CAMK1D: variants seen among roughly 807,000 people sequenced by gnomAD.
CAMK1D encodes calcium/calmodulin-dependent protein kinase type 1D.
In CAMK1D, 9 loss-of-function variants were observed where a neutral mutation model predicts 47.7. The observed-to-expected ratio is 0.19, with a 90% CI of 0.11 to 0.33. The LOEUF is 0.33. Ranked by LOEUF, CAMK1D falls within the 10% of genes least tolerant of loss-of-function variation. The pLI is 1.00. For missense variants in CAMK1D, 291 were observed against 488.7 expected (o/e 0.60, Z 3.81); for synonymous variants, 184 against 184.9 (o/e 0.99, Z 0.04).
At position 12,643,883 on chromosome 10, in the gene CAMK1D, C is replaced by CAA. The variant is rs757215270; in HGVS notation, c.225-22837_225-22836dup. Among the ~76,000 whole-genome samples the CAA allele has an allele frequency of 4.3e-3, 493 of 114,168 alleles. 1 individual carries two copies. The highest frequency in any genetic ancestry group is 0.034 in the Middle Eastern group (7 of 204). 74.9% of individuals were successfully genotyped at this position (114,168 alleles called of 152,430 possible). ...CGGGCGACAGAGTGAGACTCTGACTCAAAAAAAAAAAAAAAAATCTAATGC... is the reference window on the plus strand; with the variant it reads ...CGGGCGACAGAGTGAGACTCTGACTCAAAAAAAAAAAAAAAAAAATCTAATGC... On this transcript the variant is annotated intron_variant, in intron 2 of 10. Transcript: ENST00000619168.
intron 1 of CAMK1D, among the ~76,000 whole-genome samples, chr10:12,380,351 A>G (rs1838304501): frequency 6.6e-6 from 1 of 152,168 alleles, no homozygotes; most frequent in South Asian, 2.1e-4. Flanking sequence ...TAAATATGAG[A>G]GTAAAGGTTT....
At chr10:12,429,733 T>C (rs1022761576) in intron 1 of CAMK1D, among the ~76,000 whole-genome samples, 3 of 152,076 alleles carry the variant, frequency 2.0e-5, no homozygotes, top group Non-Finnish European at 4.4e-5. Context: ...CTGACAAACA[T>C]TGGCACTAAG....
At chr10:12,719,448 G>A (rs1834286702) in intron 3 of CAMK1D, among the ~76,000 whole-genome samples, 1 of 148,560 alleles carries the variant, frequency 6.7e-6, no homozygotes, top group African/African-American at 2.5e-5. Context: ...ACTGTAAAAA[G>A]AATTTCCCTC....
intron 3 of CAMK1D, among the ~76,000 whole-genome samples, chr10:12,698,083 A>C (rs10906209): frequency 0.54 from 81,488 of 152,012 alleles, 22,027 homozygotes; most frequent in East Asian, 0.56. Context: ...TTCTAAAAGT[A>C]GTGACATTAT....
chr10:12,443,316 T>C lies in CAMK1D; in HGVS notation c.92+93406T>C. On this transcript the variant is annotated intron_variant, in intron 1 of 10. Coordinates refer to ENST00000619168, the MANE Select transcript of CAMK1D (RefSeq NM_153498.4). The stretch of plus-strand genomic sequence containing the variant: ...TGGTCAAACAGAGAGGGCTAACCTA[T>C]GTTGCCTCCATTCTGAGAATCTCTG... Among the ~76,000 whole-genome samples, 2 of 152,198 alleles carry C rather than the reference T, an allele frequency of 1.3e-5. 1 individual carries two copies. The highest frequency in any genetic ancestry group is 1.3e-4 in the Admixed American group (2 of 15,282).
At chr10:12,553,546 A>G (rs1462231560) in intron 2 of CAMK1D, among the ~76,000 whole-genome samples, 190 bp downstream of exon 2, 1 of 152,166 alleles carries the variant, frequency 6.6e-6, no homozygotes, top group Non-Finnish European at 1.5e-5. Context: ...ATTCACGGCC[A>G]TGGTTGGGAG....
chr10:12,636,061 C>T (rs1246318036), intron 2 of CAMK1D, among the ~76,000 whole-genome samples: 1 of 152,172 alleles, frequency 6.6e-6, no homozygotes, highest in African/African-American at 2.4e-5. Context: ...ACATAACATA[C>T]AATTTACCAT....
rs186606744 is a variant in CAMK1D, at chr10:12,427,016, T to C, written c.92+77106T>C. Reference sequence around the variant, plus strand: ...AGGCCTGAGCCACTGTGCCCAGCCTTAATTTTCTGTTTTTAAAGAAATGAG... The same window carrying C: ...AGGCCTGAGCCACTGTGCCCAGCCTCAATTTTCTGTTTTTAAAGAAATGAG... On this transcript the variant is annotated intron_variant, in intron 1 of 10. Transcript: ENST00000619168. 1.7e-3 allele frequency among the ~76,000 whole-genome samples: 262 copies of C among 151,998 alleles called. 2 individuals are homozygous for C. Among genetic ancestry groups the C allele is most frequent in the African/African-American group, 5.8e-3 (239 of 41,466 alleles).
chr10:12,578,442 T>G (rs1041335542), intron 2 of CAMK1D, among the ~76,000 whole-genome samples: 2 of 151,448 alleles, frequency 1.3e-5, no homozygotes, highest in Non-Finnish European at 2.9e-5. Context: ...TGGTGGTGCA[T>G]CCCTGTAATC....
chr10:12,615,682 GGTGT>G (rs539255512), intron 2 of CAMK1D, among the ~76,000 whole-genome samples: 1 of 150,464 alleles, frequency 6.6e-6, no homozygotes, highest in African/African-American at 2.5e-5. Context: ...TTTGTGTATA[GGTGT>G]GTGTGGTTTG....
At chr10:12,561,432 GTTGACA>G (rs984314946) in intron 2 of CAMK1D, among the ~76,000 whole-genome samples, 1 of 152,120 alleles carries the variant, frequency 6.6e-6, no homozygotes, top group African/African-American at 2.4e-5. Flanking sequence ...ACCGAGAAGA[GTTGACA>G]TTGACAGGTC....
At chr10:12,610,387 C>G (rs1178745575) in intron 2 of CAMK1D, among the ~76,000 whole-genome samples, 1 of 152,182 alleles carries the variant, frequency 6.6e-6, no homozygotes, top group African/African-American at 2.4e-5. Context: ...TCCCTCCCCT[C>G]CTTTCTCTGG....
Position 12,787,251 on chromosome 10 carries a change from G to A in CAMK1D, c.566-3907G>A, listed in dbSNP as rs1837768643. On this transcript the variant is annotated intron_variant, in intron 5 of 10. Coordinates refer to ENST00000619168, the MANE Select transcript of CAMK1D (RefSeq NM_153498.4). ...CCTTGCACCACGGCCCAGTGTGTCA[G>A]CAGATTTGCCAGATTGAGGGTGAAA... 2.0e-5 allele frequency among the ~76,000 whole-genome samples: 3 copies of A among 152,358 alleles called. No homozygotes were observed. The South Asian group carries it at 6.2e-4, about 32-fold the overall frequency.
chr10:12,630,380 T>TC, intron 2 of CAMK1D, among the ~76,000 whole-genome samples: 1 of 131,454 alleles, frequency 7.6e-6, no homozygotes, highest in South Asian at 2.9e-4. Context: ...TTTCTTTTTT[T>TC]TTTTTTTTAA....
At chr10:12,685,797 GAC>G (rs1466167069) in intron 3 of CAMK1D, among the ~76,000 whole-genome samples, 1 of 152,234 alleles carries the variant, frequency 6.6e-6, no homozygotes, top group Non-Finnish European at 1.5e-5. Flanking sequence ...AGCGCCTAGA[GAC>G]AGACTCTCAC....
chr10:12,362,305 T>C (rs187172420), intron 1 of CAMK1D, among the ~76,000 whole-genome samples: 1 of 152,258 alleles, frequency 6.6e-6, no homozygotes, highest in Non-Finnish European at 1.5e-5. Flanking sequence ...CTCAGTGAAT[T>C]TGGCTACTTT....
chr10:12,431,465 C>CA (rs781759435), intron 1 of CAMK1D, among the ~76,000 whole-genome samples: 4 of 152,194 alleles, frequency 2.6e-5, no homozygotes, highest in Non-Finnish European at 5.9e-5. Context: ...GGCCGATTCT[C>CA]AGACTCCAAG....
intron 1 of CAMK1D, among the ~76,000 whole-genome samples, chr10:12,443,888 C>T (rs1216143922): frequency 3.3e-5 from 5 of 152,168 alleles, no homozygotes; most frequent in Admixed American, 6.5e-5. Context: ...CTTTGGCCTC[C>T]CAGAGTTCTG....
At chr10:12,375,466 C>G (rs994477332) in intron 1 of CAMK1D, among the ~76,000 whole-genome samples, 1 of 152,214 alleles carries the variant, frequency 6.6e-6, no homozygotes, top group Non-Finnish European at 1.5e-5. Flanking sequence ...CTGCCTCCCC[C>G]CTCACCTGTT....
Sources: allele counts gnomAD v4.1 joint callset (sites outside exome capture counted in the v4.1 genomes callset), GRCh38; gene constraint gnomAD v4.1.1; transcripts MANE v1.5; gene names NCBI Gene and HGNC (gene_info 2026-07-23, HGNC 2026-07-21).